Variants in NMRAL1 observed in about 807,000 individuals in gnomAD.
The protein encoded by NMRAL1 is NmrA like redox sensor 1, also known as nmrA-like family domain-containing protein 1.
NMRAL1 carries 32 observed loss-of-function variants against 27.5 expected under a neutral mutation model. The ratio of observed to expected loss-of-function variants is 1.16; its 90% CI spans 0.88 to 1.56. The LOEUF (loss-of-function observed/expected upper bound fraction) is 1.56. Among genes scored for constraint, NMRAL1 ranks in the 40% most tolerant of loss-of-function variants. The pLI, the probability that NMRAL1 is intolerant of heterozygous loss-of-function variation, is 0.00. For missense variants in NMRAL1, 420 were observed against 392.0 expected (o/e 1.07, Z -0.60); for synonymous variants, 166 against 166.8 (o/e 1.00, Z 0.04).
chr16:4,473,320 G>C lies in NMRAL1; in HGVS notation c.40+773C>G, dbSNP rs2057668192. ...ATTTTCTAAAATTGATTGTGGTGAT[G>C]GTTGTACAATTCTATGAATACACTA... is the stretch of plus-strand genomic sequence containing the variant. On this transcript the variant is annotated intron_variant, in intron 2 of 5. Coordinates refer to ENST00000283429, the MANE Select transcript of NMRAL1 (RefSeq NM_020677.6). Among the ~76,000 whole-genome samples, 2 of 152,020 alleles carry C rather than the reference G, an allele frequency of 1.3e-5. 1 individual carries two copies. The highest frequency in any genetic ancestry group is 4.1e-4 in the South Asian group (2 of 4,828).
intron 4 of NMRAL1, among the ~76,000 whole-genome samples, chr16:4,464,703 C>T (rs2057249982): frequency 6.6e-6 from 1 of 151,336 alleles, no homozygotes; most frequent in Non-Finnish European, 1.5e-5. Flanking sequence ...CAAGCTCCAC[C>T]TCCCGGGTTC....
rs1355464623 is a variant in NMRAL1 at position 4,473,142 on chromosome 16, A to T, written c.40+951T>A. On this transcript the variant is annotated intron_variant, in intron 2 of 5. Coordinates refer to ENST00000283429, the MANE Select transcript of NMRAL1 (RefSeq NM_020677.6). ...GACACCACGCCCCACTAATTTTTGT[A>T]TTTTTTTGTAGAGACGAGATTTTGC... is the stretch of plus-strand genomic sequence containing the variant. Among the ~76,000 whole-genome samples, 5 of 151,852 alleles carry T rather than the reference A, an allele frequency of 3.3e-5. No individual in the cohort carries two copies. In the South Asian group the frequency reaches 1.0e-3, roughly 32 times the overall value.
At chr16:4,472,241 A>C (rs1464425845) in intron 2 of NMRAL1, among the ~76,000 whole-genome samples, 3 of 152,220 alleles carry the variant, frequency 2.0e-5, no homozygotes, top group Non-Finnish European at 4.4e-5. Context: ...CAGGAGTTCG[A>C]GACCAGCCTG....
chr16:4,466,339 C>T lies in NMRAL1; in HGVS notation c.343G>A (p.Glu115Lys), dbSNP rs761325290. ...GLHYVVYSGL[E>K]NIKKLTAGRL... ...CCTGCCGTCAGCTTCTTGATGTTCT[C>T]CAGGCCGCTGTAGACCACATAGTGG... Residue 115 changes from glutamate (E) to lysine (K), a missense_variant, in exon 4 of 6, where the codon GAG becomes AAG. Transcript: ENST00000283429. 1.9e-6 allele frequency: 3 copies of T among 1,613,888 alleles called. No homozygotes were observed. In the South Asian group the frequency reaches 3.3e-5, roughly 18 times the overall value.
At chr16:4,470,946 CAA>C (rs56092245) in intron 2 of NMRAL1, among the ~76,000 whole-genome samples, 2 of 133,478 alleles carry the variant, frequency 1.5e-5, no homozygotes, top group Non-Finnish European at 3.1e-5. Context: ...GACTCCGTCT[CAA>C]AAAAAAAAAA....
intron 4 of NMRAL1, 151 bp downstream of exon 4, chr16:4,466,002 G>T: frequency 3.5e-6 from 3 of 865,992 alleles, no homozygotes; most frequent in Non-Finnish European, 3.5e-6. Context: ...CTGAGGCCCC[G>T]CAAGCTGACA....
intron 5 of NMRAL1, 60 bp from the exon 6 acceptor site, chr16:4,462,019 C>T (rs569677625): frequency 1.0e-5 from 15 of 1,475,620 alleles, no homozygotes; most frequent in Non-Finnish European, 1.2e-5. Flanking sequence ...GGTGGCGGGG[C>T]AGGGAGGCCG....
intron 3 of NMRAL1, 39 bp from the exon 4 acceptor site, chr16:4,466,441 A>C: frequency 6.3e-7 from 1 of 1,597,244 alleles, no homozygotes; most frequent in Non-Finnish European, 8.5e-7. Flanking sequence ...GGCTCAGAAG[A>C]AGGATGTCTG....
chr16:4,461,767 C>T lies in NMRAL1; in HGVS notation c.*13G>A, dbSNP rs745809273. On this transcript the variant is annotated 3_prime_UTR_variant, in exon 6 of 6. Transcript: ENST00000283429. Reference sequence around the variant, plus strand: ...TGCCCCCGATCCCCACAAGGGGCCGCGAGGCGGGCAGGTCACAGCAGGTTG... The same window carrying T: ...TGCCCCCGATCCCCACAAGGGGCCGTGAGGCGGGCAGGTCACAGCAGGTTG... 8 of 1,600,076 alleles carry T rather than the reference C, an allele frequency of 5.0e-6. No homozygotes were observed. Among genetic ancestry groups the T allele is most frequent in the Middle Eastern group, 1.7e-4 (1 of 5,990 alleles).
Position 4,466,230 on chromosome 16 carries a change from C to G in NMRAL1, c.452G>C (p.Arg151Pro), listed in dbSNP as rs571839313. Residue 151 changes from arginine to proline, a missense_variant, in exon 4 of 6, where the codon CGG becomes CCG. By Grantham distance (103) the Arg-to-Pro change is moderately radical (BLOSUM62 -2). Coordinates refer to ENST00000283429, the MANE Select transcript of NMRAL1 (RefSeq NM_020677.6). Reference sequence around the variant, plus strand: ...GAGGTTCTCAAAATAGCAGGGCAGCCGCACACTGGTCATGGGAACGCCAAT... The same window carrying G: ...GAGGTTCTCAAAATAGCAGGGCAGCGGCACACTGGTCATGGGAACGCCAAT... ...RDIGVPMTSV[R>P]LPCYFENLLS... 1.2e-6 allele frequency: 2 copies of G among 1,614,020 alleles called. No homozygotes were observed. The highest frequency in any genetic ancestry group is 1.7e-6 in the Non-Finnish European group (2 of 1,180,036).
rs531906906 is a variant in NMRAL1, at chr16:4,470,277, C to A, written c.41-812G>T. Among the ~76,000 whole-genome samples the A allele has an allele frequency of 4.0e-5, 6 of 150,712 alleles. No homozygotes were observed. In the South Asian group the frequency reaches 1.3e-3, roughly 32 times the overall value. On this transcript the variant is annotated intron_variant, in intron 2 of 5. Transcript: ENST00000283429. ...CTGAAGTTGGGAGTTTGAGAACAGC[C>A]CGACCAACATGGAGAAACCACTGTC...
intron 5 of NMRAL1, 76 bp from the exon 6 acceptor site, chr16:4,462,035 GC>G: frequency 7.7e-7 from 1 of 1,298,232 alleles, no homozygotes; most frequent in Non-Finnish European, 1.1e-6. Context: ...GGCCGGATGG[GC>G]TGGGGTCTCC....
chr16:4,463,668 C>T lies in NMRAL1; in HGVS notation c.712G>A (p.Asp238Asn), dbSNP rs768408070. 36 of 1,613,174 alleles carry T rather than the reference C, an allele frequency of 2.2e-5. No homozygotes were observed. The highest frequency in any genetic ancestry group is 2.8e-5 in the Non-Finnish European group (33 of 1,179,878). ...LTKHTRKVVH[D>N]AKMTPEDYEK... ...TGGGGCGGGAGGCCCACCTTGGCATCGTGCACGACCTTGCGGGTGTGCTTG... is the reference window on the plus strand; with the variant it reads ...TGGGGCGGGAGGCCCACCTTGGCATTGTGCACGACCTTGCGGGTGTGCTTG... The change falls in exon 5 of 6, where the codon GAT (aspartate) becomes AAT (asparagine). Residue 238 changes from aspartate (D) to asparagine (N), a missense_variant. By Grantham distance (23) the Asp-to-Asn change is conservative (BLOSUM62 1). Coordinates refer to ENST00000283429, the MANE Select transcript of NMRAL1 (RefSeq NM_020677.6).
chr16:4,472,959 G>A (rs900980356), intron 2 of NMRAL1, among the ~76,000 whole-genome samples: 13 of 151,360 alleles, frequency 8.6e-5, no homozygotes, highest in Non-Finnish European at 1.9e-4. Context: ...AACTGTTCAC[G>A]GGTTCATGGA....
chr16:4,474,241 TG>T, intron 1 of NMRAL1, 75 bp from the exon 2 acceptor site: 1 of 1,073,554 alleles, frequency 9.3e-7, no homozygotes, highest in Non-Finnish European at 1.4e-6. Flanking sequence ...ACACCCCCAT[TG>T]TCTATGCATC....
At chr16:4,470,186 A>G (rs928111343) in intron 2 of NMRAL1, among the ~76,000 whole-genome samples, 2 of 142,558 alleles carry the variant, frequency 1.4e-5, no homozygotes, top group African/African-American at 5.4e-5. Flanking sequence ...AAAAAAAAAA[A>G]GGGCCTGGTG....
intron 4 of NMRAL1, 74 bp downstream of exon 4, chr16:4,466,079 G>T: frequency 1.3e-6 from 2 of 1,567,808 alleles, no homozygotes; most frequent in Non-Finnish European, 1.7e-6. Context: ...CGTGACAGCG[G>T]CCCGCGGTCT....
intron 4 of NMRAL1, among the ~76,000 whole-genome samples, chr16:4,465,835 G>A (rs1444199982): frequency 1.3e-5 from 2 of 152,180 alleles, no homozygotes; most frequent in East Asian, 1.9e-4. Context: ...AAGCCACAGC[G>A]CCCGGCCCTC....
rs141325916 is a variant in NMRAL1, at chr16:4,466,186, G to C, written c.496C>G (p.Gln166Glu). ...TAGCTCTTTCCGTCTGGGGCTTTCT[G>C]GGGCAAGAAGTGGGAGAGGAGGTTC... is the stretch of plus-strand genomic sequence containing the variant. ...FENLLSHFLP[Q>E]KAPDGKSYLL... The change falls in exon 4 of 6, where the codon CAG (glutamine) becomes GAG (glutamate). Residue 166 changes from glutamine to glutamate, a missense_variant. Physicochemically the swap from Gln to Glu is conservative, Grantham distance 29. Coordinates refer to ENST00000283429, the MANE Select transcript of NMRAL1 (RefSeq NM_020677.6). The C allele has an allele frequency of 2.5e-6, 4 of 1,614,194 alleles. No homozygotes were observed. Among genetic ancestry groups the C allele is most frequent in the African/African-American group, 2.7e-5 (2 of 75,064 alleles).
Sources: allele counts gnomAD v4.1 joint callset (sites outside exome capture counted in the v4.1 genomes callset), GRCh38; gene constraint gnomAD v4.1.1; transcripts MANE v1.5; gene names NCBI Gene and HGNC (gene_info 2026-07-23, HGNC 2026-07-21).